The following CLEC4A variants were observed in gnomAD, a reference collection of about 807,000 sequenced individuals.
The protein encoded by CLEC4A is C-type lectin domain family 4 member A, also known as C-type (calcium dependent, carbohydrate-recognition domain) lectin, superfamily member 6.
CLEC4A carries 27 observed loss-of-function variants against 32.7 expected under a neutral mutation model. The ratio of observed to expected loss-of-function variants is 0.83; its 90% CI spans 0.61 to 1.14. The LOEUF (loss-of-function observed/expected upper bound fraction) is 1.14, where lower values mean the gene tolerates loss of function less well. CLEC4A is among the 50% of genes most tolerant of loss of function. The pLI, the probability that CLEC4A is intolerant of heterozygous loss-of-function variation, is 0.00. For synonymous variants in CLEC4A, 89 were observed against 93.7 expected, an observed-to-expected ratio of 0.95 and a Z score of 0.29; for missense variants, 253 against 274.6, an observed-to-expected ratio of 0.92 and a Z score of 0.55.
chr12:8,136,443 T>C (rs2120640048), intron 4 of CLEC4A, among the ~76,000 whole-genome samples: 1 of 151,820 alleles, frequency 6.6e-6, no homozygotes, highest in South Asian at 2.1e-4. Flanking sequence ...CACACACCTG[T>C]AGTCCCAGCT....
chr12:8,132,660 G>A (rs1948019141), intron 3 of CLEC4A, among the ~76,000 whole-genome samples: 1 of 152,164 alleles, frequency 6.6e-6, no homozygotes, highest in Non-Finnish European at 1.5e-5. Flanking sequence ...CCTTGTAATT[G>A]ATGATGTTTA....
At chr12:8,131,554 T>C (rs1947996531) in intron 3 of CLEC4A, among the ~76,000 whole-genome samples, 1 of 152,316 alleles carries the variant, frequency 6.6e-6, no homozygotes, top group East Asian at 1.9e-4. Context: ...TGAAATCTAC[T>C]TACATTATTG....
upstream of CLEC4A, chr12:8,120,962 C>T (rs1278170179): frequency 2.6e-5 from 4 of 152,196 alleles, no homozygotes; most frequent in African/African-American, 9.7e-5. Context: ...ACAACGTACA[C>T]CTTATCTGAA....
chr12:8,113,564 A>G, the CLEC4A span, among the ~76,000 whole-genome samples: 1 of 152,218 alleles, frequency 6.6e-6, no homozygotes, highest in South Asian at 2.1e-4. Context: ...GTCCCTTAGC[A>G]GCAGCCATCT....
chr12:8,111,299 C>A, the CLEC4A span, among the ~76,000 whole-genome samples: 1 of 151,674 alleles, frequency 6.6e-6, no homozygotes, highest in Non-Finnish European at 1.5e-5. Context: ...CCTGCCTCAG[C>A]CTGCCAAATA....
At chr12:8,135,045 A>ATTTTTTTTTTTTTT (rs1565406500) in intron 3 of CLEC4A, among the ~76,000 whole-genome samples, 2 of 4,968 alleles carry the variant, frequency 4.0e-4, no homozygotes, top group Non-Finnish European at 9.5e-4. Flanking sequence ...CAATTTTATT[A>ATTTTTTTTTTTTTT]TCTTTTTTTT....
chr12:8,132,302 G>C (rs770971229), intron 3 of CLEC4A, among the ~76,000 whole-genome samples: 3 of 152,238 alleles, frequency 2.0e-5, no homozygotes, highest in Non-Finnish European at 4.4e-5. Context: ...TAGTTCCTTT[G>C]ATTGGAGAAT....
At chr12:8,111,225 C>G in the CLEC4A span, among the ~76,000 whole-genome samples, 1 of 131,832 alleles carries the variant, frequency 7.6e-6, no homozygotes, top group Non-Finnish European at 1.6e-5. Context: ...CTGTTGCCCA[C>G]ACTGGAGTGC....
intron 2 of CLEC4A, among the ~76,000 whole-genome samples, chr12:8,126,228 TC>T (rs1947899004): frequency 6.6e-6 from 1 of 152,004 alleles, no homozygotes; most frequent in African/African-American, 2.4e-5. Context: ...TGAGTTTTAT[TC>T]CCCCTGGTTC....
chr12:8,134,152 T>C lies in CLEC4A; in HGVS notation c.299-1433T>C. On this transcript the variant is annotated intron_variant, in intron 3 of 5. Transcript: ENST00000229332. ...CTCTCACTTGGTTCTCGATACTGGT[T>C]CGCTTTCTCTTTCGGGCCTGCACGA... 5 of 1,607,584 alleles carry C rather than the reference T, an allele frequency of 3.1e-6. No individual in the cohort carries two copies. In the South Asian group the frequency reaches 4.4e-5, roughly 14 times the overall value.
chr12:8,106,702 C>T, the CLEC4A span, among the ~76,000 whole-genome samples: 7 of 151,828 alleles, frequency 4.6e-5, no homozygotes, highest in Non-Finnish European at 7.4e-5. Flanking sequence ...TCAGCTTGGA[C>T]GTTGGATTTT....
chr12:8,111,921 A>ATGTG, the CLEC4A span, among the ~76,000 whole-genome samples: 8 of 109,772 alleles, frequency 7.3e-5, no homozygotes, highest in Admixed American at 1.9e-4. Context: ...GTGAGTGTGT[A>ATGTG]TATGTGTGTG....
chr12:8,134,973 G>GTTTTTTTTTTT (rs371181779), intron 3 of CLEC4A: 32 of 318,818 alleles, frequency 1.0e-4, no homozygotes, highest in African/African-American at 8.9e-4. Context: ...TTGTTGAAGC[G>GTTTTTTTTTTT]TTTTTGTTTT....
the CLEC4A span, among the ~76,000 whole-genome samples, chr12:8,107,390 A>T: frequency 5.3e-5 from 8 of 152,184 alleles, no homozygotes; most frequent in African/African-American, 1.7e-4. Flanking sequence ...GCTTCAGAGA[A>T]TCAGTTAGCG....
chr12:8,119,326 G>A (rs1164817039), upstream of CLEC4A, among the ~76,000 whole-genome samples: 1 of 152,222 alleles, frequency 6.6e-6, no homozygotes. Context: ...CCAGGTTCAA[G>A]TGGTTCTCCT....
chr12:8,133,338 A>T (rs937419528), intron 3 of CLEC4A, among the ~76,000 whole-genome samples: 1 of 152,212 alleles, frequency 6.6e-6, no homozygotes, highest in Non-Finnish European at 1.5e-5. Context: ...GGCGTGAGCC[A>T]CTGTGCCCAG....
chr12:8,136,000 A>G (rs979357680), intron 4 of CLEC4A, among the ~76,000 whole-genome samples: 4 of 152,236 alleles, frequency 2.6e-5, no homozygotes, highest in Admixed American at 2.0e-4. Flanking sequence ...TGAAATATCA[A>G]TTTGTTATTT....
At chr12:8,129,929 G>A (rs1236240906) in intron 3 of CLEC4A, among the ~76,000 whole-genome samples, 4 of 152,028 alleles carry the variant, frequency 2.6e-5, no homozygotes, top group South Asian at 2.1e-4. Flanking sequence ...TCGACCTCCC[G>A]GGCTCAAGTG....
intron 3 of CLEC4A, among the ~76,000 whole-genome samples, chr12:8,135,324 CTTAT>C (rs1333934035): frequency 2.6e-5 from 4 of 151,876 alleles, no homozygotes; most frequent in Non-Finnish European, 5.9e-5. Flanking sequence ...GAGTCTGGAT[CTTAT>C]TTAAACATGT....
Sources: allele counts gnomAD v4.1 joint callset (sites outside exome capture counted in the v4.1 genomes callset), GRCh38; gene constraint gnomAD v4.1.1; transcripts MANE v1.5; gene names NCBI Gene and HGNC (gene_info 2026-07-23, HGNC 2026-07-21).